GRIN2B: variants seen among roughly 807,000 people sequenced by gnomAD.
The protein encoded by GRIN2B is glutamate ionotropic receptor NMDA type subunit 2B, also known as glutamate receptor ionotropic, NMDA 2B.
GRIN2B carries 5 observed loss-of-function variants against 114.5 expected under a neutral mutation model. The observed-to-expected ratio is 0.04, with a 90% CI of 0.02 to 0.09. The LOEUF (loss-of-function observed/expected upper bound fraction) is 0.09, where lower values mean the gene tolerates loss of function less well. Among genes scored for constraint, GRIN2B ranks in the 10% least tolerant of loss-of-function variants. The pLI, the probability that GRIN2B is intolerant of heterozygous loss-of-function variation, is 1.00. For missense variants in GRIN2B, 1,108 were observed against 1,943.5 expected, an observed-to-expected ratio of 0.57 and a Z score of 8.08; for synonymous variants, 787 against 745.1, an observed-to-expected ratio of 1.06 and a Z score of -0.92.
chr12:13,777,510 T>G (rs943840791), intron 3 of GRIN2B, among the ~76,000 whole-genome samples: 2 of 152,170 alleles, frequency 1.3e-5, no homozygotes, highest in African/African-American at 4.8e-5. Context: ...TATTCCGCAA[T>G]ACCCATCTTC....
intron 3 of GRIN2B, among the ~76,000 whole-genome samples, chr12:13,821,643 G>T (rs185029537): frequency 2.6e-4 from 40 of 152,282 alleles, no homozygotes; most frequent in African/African-American, 9.6e-4. Context: ...ATCAATCCTG[G>T]CTCTGTGTAG....
chr12:13,794,038 C>CAAAAA (rs59335663), intron 3 of GRIN2B, among the ~76,000 whole-genome samples: 25 of 79,184 alleles, frequency 3.2e-4, no homozygotes, highest in East Asian at 6.9e-4. Flanking sequence ...CCCATCTCTA[C>CAAAAA]AAAAAAAAAA....
chr12:13,875,456 G>A (rs1865979306), intron 2 of GRIN2B, among the ~76,000 whole-genome samples: 1 of 152,180 alleles, frequency 6.6e-6, no homozygotes, highest in African/African-American at 2.4e-5. Context: ...GAACCCAGGA[G>A]GTGGAGGTTG....
At chr12:13,748,260 T>A (rs1863423971) in intron 4 of GRIN2B, among the ~76,000 whole-genome samples, 1 of 152,234 alleles carries the variant, frequency 6.6e-6, no homozygotes, top group Admixed American at 6.5e-5. Context: ...ATAGCATCCG[T>A]TCTTTCTACA....
chr12:13,678,207 C>T (rs546392519), intron 4 of GRIN2B, among the ~76,000 whole-genome samples: 6 of 152,226 alleles, frequency 3.9e-5, no homozygotes, highest in African/African-American at 1.2e-4. Context: ...GTGAACATTG[C>T]TAAGTGAAAA....
chr12:13,916,731 ACAC>A (rs1866732432), intron 2 of GRIN2B, among the ~76,000 whole-genome samples: 2 of 24,122 alleles, frequency 8.3e-5, no homozygotes, highest in Non-Finnish European at 1.9e-4. Flanking sequence ...ACACACACAC[ACAC>A]ATTTGTGTGT....
At position 13,549,653 on chromosome 12, in the gene GRIN2B, C is replaced by T. The variant is rs1032179268; in HGVS notation, c.*13130G>A. 24 of 152,056 alleles carry T rather than the reference C, an allele frequency of 1.6e-4. No homozygotes were observed. The highest frequency in any genetic ancestry group is 5.8e-4 in the African/African-American group (24 of 41,404). 9.4% of individuals were successfully genotyped at this position (152,056 alleles called of 1,614,324 possible). ...AAGAAATCCTCTGTCCCAGTTTATT[C>T]TTGAGTTTTTTATTTATGTGGATTA... On this transcript the variant is annotated 3_prime_UTR_variant, in exon 14 of 14. Coordinates refer to ENST00000609686, the MANE Select transcript of GRIN2B (RefSeq NM_000834.5).
In GRIN2B at chr12:13,753,809, G is replaced by A; in HGVS notation, c.518C>T (p.Thr173Ile). The change falls in exon 4 of 14, where the codon ACC becomes ATC. Residue 173 changes from threonine to isoleucine, a missense_variant. Coordinates refer to ENST00000609686, the MANE Select transcript of GRIN2B (RefSeq NM_000834.5). This position sits in a 1 kb window ranked among gnomAD's most constrained non-coding sequence, Gnocchi z 6.2. ...EYDWYIFSIV[T>I]TYFPGYQDFV... ...GTCCTGGTAGCCAGGGAAATAGGTG[G>A]TGACGATAGAAAAGATGTACCAGTC... 6.2e-7 allele frequency: 1 copy of A among 1,613,552 alleles called. No individual in the cohort carries two copies. The highest frequency in any genetic ancestry group is 1.3e-5 in the African/African-American group (1 of 74,960).
At chr12:13,747,469 C>T (rs758944685) in intron 4 of GRIN2B, among the ~76,000 whole-genome samples, 6 of 152,166 alleles carry the variant, frequency 3.9e-5, no homozygotes, top group East Asian at 1.9e-4. Flanking sequence ...TTAGGTTCTT[C>T]GATTATTTTT....
At chr12:13,590,028 C>T (rs961866903) in intron 10 of GRIN2B, among the ~76,000 whole-genome samples, 1 of 152,038 alleles carries the variant, frequency 6.6e-6, no homozygotes, top group African/African-American at 2.4e-5. Context: ...TAATTAAAAA[C>T]TTAGAAATGT....
chr12:13,665,705 C>T (rs575048691), intron 5 of GRIN2B, among the ~76,000 whole-genome samples: 376 of 152,226 alleles, frequency 2.5e-3, no homozygotes, highest in African/African-American at 8.7e-3. Flanking sequence ...ATCATATATG[C>T]TAAATTTGTC....
intron 3 of GRIN2B, among the ~76,000 whole-genome samples, chr12:13,845,297 T>A (rs565026576): frequency 6.6e-6 from 1 of 152,314 alleles, no homozygotes; most frequent in South Asian, 2.1e-4. Context: ...CAAATGTCAT[T>A]AATATTAACT....
rs1434084625 is a variant in GRIN2B, at chr12:13,783,434, T to TTTGTTTTGTTTTGTTTTGTTTTGTC, written c.412-29520_412-29519insGACAAAACAAAACAAAACAAAACAA. 1.2e-4 allele frequency among the ~76,000 whole-genome samples: 19 copies of TTTGTTTTGTTTTGTTTTGTTTTGTC among 152,010 alleles called. No individual in the cohort carries two copies. In the East Asian group the frequency reaches 3.7e-3, roughly 30 times the overall value. On this transcript the variant is annotated intron_variant, in intron 3 of 13. Coordinates refer to ENST00000609686, the MANE Select transcript of GRIN2B (RefSeq NM_000834.5). ...AAGAGAATTGGTAACGGAAATAGGT[T>TTTGTTTTGTTTTGTTTTGTTTTGTC]TTGTTTTGTTTTGTTTTGTTTTTTG...
At chr12:13,661,043 C>T (rs1949917766) in intron 5 of GRIN2B, among the ~76,000 whole-genome samples, 1 of 152,174 alleles carries the variant, frequency 6.6e-6, no homozygotes, top group African/African-American at 2.4e-5. Flanking sequence ...CTGGCCCTGC[C>T]TTCATTTCTA....
At chr12:13,787,001 C>T (rs1050541235) in intron 3 of GRIN2B, among the ~76,000 whole-genome samples, 11 of 152,214 alleles carry the variant, frequency 7.2e-5, no homozygotes, top group African/African-American at 2.4e-4. Flanking sequence ...CTCCAAGGAA[C>T]CTTTGATAGA....
intron 2 of GRIN2B, among the ~76,000 whole-genome samples, chr12:13,896,062 A>G (rs1282249647): frequency 6.6e-6 from 1 of 152,212 alleles, no homozygotes; most frequent in African/African-American, 2.4e-5. Flanking sequence ...AATATTTTCT[A>G]CATATACTAA....
At chr12:13,846,399 C>A (rs918215866) in intron 3 of GRIN2B, among the ~76,000 whole-genome samples, 1 of 152,178 alleles carries the variant, frequency 6.6e-6, no homozygotes, top group Non-Finnish European at 1.5e-5. Context: ...GTGACATATA[C>A]CTTCCATTTT....
chr12:13,974,167 G>C (rs537551393), intron 2 of GRIN2B, among the ~76,000 whole-genome samples: 1 of 152,288 alleles, frequency 6.6e-6, no homozygotes, highest in Admixed American at 6.5e-5. Flanking sequence ...CCTTCATTCT[G>C]AGTAGCTTGG....
At chr12:13,966,530 A>G (rs114891141) in intron 2 of GRIN2B, among the ~76,000 whole-genome samples, 127 of 152,316 alleles carry the variant, frequency 8.3e-4, no homozygotes, top group African/African-American at 3.0e-3. Context: ...TAAATATTCT[A>G]GAAACATGGC....
Sources: gnomAD v4.1 joint callset for allele counts (sites outside exome capture counted in the v4.1 genomes callset) on GRCh38, gnomAD v4.1.1 for gene constraint, Gnocchi (gnomAD v3.1) non-coding constraint, MANE v1.5 for transcripts, NCBI Gene and HGNC (gene_info 2026-07-23, HGNC 2026-07-21) for gene names.